Variants in STRADA observed in about 807,000 individuals in gnomAD.
STRADA encodes the protein STE20-related kinase adapter protein alpha.
STRADA carries 26 observed loss-of-function variants against 55.0 expected under a neutral mutation model. The observed-to-expected ratio is 0.47, with a 90% CI of 0.35 to 0.66. The LOEUF (loss-of-function observed/expected upper bound fraction) is 0.66, where lower values mean the gene tolerates loss of function less well. STRADA is among the 30% of genes least tolerant of loss of function. The pLI, the probability that STRADA is intolerant of heterozygous loss-of-function variation, is 0.01. For missense variants in STRADA, 443 were observed against 549.7 expected (o/e 0.81, Z 1.94); for synonymous variants, 197 against 210.9 (o/e 0.93, Z 0.57).
At chr17:63,735,383 G>A (rs187392574) in intron 1 of STRADA, among the ~76,000 whole-genome samples, 60 of 152,232 alleles carry the variant, frequency 3.9e-4, no homozygotes, top group Middle Eastern at 6.8e-3. Flanking sequence ...GCATACTTTG[G>A]CTTGCCGAAT....
chr17:63,718,662 T>A (rs919893612), intron 4 of STRADA: 17 of 152,314 alleles, frequency 1.1e-4, no homozygotes, highest in African/African-American at 4.1e-4. Flanking sequence ...CACGCTCGCC[T>A]GACTTGAACA....
intron 4 of STRADA, among the ~76,000 whole-genome samples, chr17:63,719,747 G>A (rs528137778): frequency 6.6e-6 from 1 of 152,154 alleles, no homozygotes; most frequent in East Asian, 1.9e-4. Flanking sequence ...GCCTCCCAAA[G>A]TGCTGGGGTT....
At chr17:63,714,364 T>C (rs1056598311) in intron 4 of STRADA, 3 of 400,434 alleles carry the variant, frequency 7.5e-6, no homozygotes, top group Admixed American at 3.5e-5. Context: ...TTAATCTGCT[T>C]GTCCTTTCCA....
intron 10 of STRADA, chr17:63,705,635 A>G (rs906619066): frequency 6.6e-6 from 1 of 152,546 alleles, no homozygotes; most frequent in Non-Finnish European, 1.5e-5. Flanking sequence ...CCAGTGCTCT[A>G]AAGTGGCATC....
Position 63,712,373 on chromosome 17 carries a change from C to T in STRADA, c.348+1033G>A, listed in dbSNP as rs147957052. ...CAGGCATGAGCTACCATGCCTGCCC[C>T]CTCTCTCAGTTTAACGAGAGAGTGG... is the stretch of plus-strand genomic sequence containing the variant. On this transcript the variant is annotated intron_variant, in intron 6 of 12. Coordinates refer to ENST00000336174, the MANE Select transcript of STRADA (RefSeq NM_001003787.4). The T allele has an allele frequency of 8.9e-3, 1,363 of 152,294 alleles. 6 individuals are homozygous for T. Among genetic ancestry groups the T allele is most frequent in the South Asian group, 0.024 (115 of 4,822 alleles). 9.4% of individuals were successfully genotyped at this position (152,294 alleles called of 1,614,324 possible). A position where few individuals can be genotyped will look rare whatever the true frequency, so the allele number is the denominator to read the frequency against.
chr17:63,735,171 G>C (rs574707079), intron 1 of STRADA, among the ~76,000 whole-genome samples: 2 of 152,182 alleles, frequency 1.3e-5, no homozygotes, highest in South Asian at 4.1e-4. Context: ...AAAAGAGTGA[G>C]CTAATTTCAC....
chr17:63,723,326 T>C lies in STRADA; in HGVS notation c.95A>G (p.Glu32Gly), dbSNP rs1349915956. The change falls in exon 4 of 13, where the codon GAG becomes GGG. Residue 32 changes from glutamate to glycine, a missense_variant and splice_region_variant. Transcript: ENST00000336174. ...EGLRDLELFG[E>G]QPPGDTRRKT... ...TCTCCGAGTGTCACCCGGAGGCTGC[T>C]CTGGGGTAGAGAAATTGATTGTTGG... The C allele has an allele frequency of 1.2e-6, 2 of 1,614,192 alleles. No homozygotes were observed. Among genetic ancestry groups the C allele is most frequent in the South Asian group, 2.2e-5 (2 of 91,086 alleles).
At chr17:63,731,818 T>C (rs908035872) in intron 1 of STRADA, among the ~76,000 whole-genome samples, 8 of 152,144 alleles carry the variant, frequency 5.3e-5, no homozygotes, top group African/African-American at 1.9e-4. Flanking sequence ...AAAGTTTCTA[T>C]GGTCTGGAAA....
At chr17:63,733,054 G>GT (rs1441821859) in intron 1 of STRADA, among the ~76,000 whole-genome samples, 2 of 152,062 alleles carry the variant, frequency 1.3e-5, no homozygotes, top group Non-Finnish European at 2.9e-5. Context: ...CACCCAGCTA[G>GT]TTTTTTTGTA....
At chr17:63,738,719 G>A (rs1303828843) in intron 1 of STRADA, among the ~76,000 whole-genome samples, 1 of 152,044 alleles carries the variant, frequency 6.6e-6, no homozygotes, top group Non-Finnish European at 1.5e-5. Context: ...TTAGCAGGGT[G>A]TGATGGCATG....
At chr17:63,727,962 A>C (rs892800580) in intron 2 of STRADA, 2 of 169,348 alleles carry the variant, frequency 1.2e-5, no homozygotes, top group Non-Finnish European at 2.5e-5. Context: ...TACTTAGAAA[A>C]AAGTGTCCTA....
At position 63,733,271 on chromosome 17, in the gene STRADA, T is replaced by A. The variant is rs541672523; in HGVS notation, c.-44-4858A>T. 1.4e-4 allele frequency among the ~76,000 whole-genome samples: 21 copies of A among 152,338 alleles called. No homozygotes were observed. The East Asian group carries it at 3.9e-3, about 28-fold the overall frequency. ...TGAATCTTTATCAGACTCCTCAATG[T>A]TCACTACTAAATGTTTAAGACATAT... On this transcript the variant is annotated intron_variant, in intron 1 of 12. Coordinates refer to ENST00000336174, the MANE Select transcript of STRADA (RefSeq NM_001003787.4).
At chr17:63,725,195 G>A (rs2037562100) in intron 3 of STRADA, among the ~76,000 whole-genome samples, 1 of 152,014 alleles carries the variant, frequency 6.6e-6, no homozygotes, top group African/African-American at 2.4e-5. Context: ...TCGTGCCACT[G>A]CACTCCAGCT....
chr17:63,740,107 T>TATATATATATATACATAC (rs1309095081), intron 1 of STRADA, among the ~76,000 whole-genome samples: 1 of 49,648 alleles, frequency 2.0e-5, no homozygotes, highest in African/African-American at 9.5e-5. Flanking sequence ...TATATATATA[T>TATATATATATATACATAC]ACATACATAC....
intron 1 of STRADA, among the ~76,000 whole-genome samples, chr17:63,735,777 G>A (rs559476361): frequency 1.1e-4 from 16 of 152,244 alleles, no homozygotes; most frequent in Non-Finnish European, 1.8e-4. Context: ...TAGAGGAGAC[G>A]GCAGATATGC....
chr17:63,704,255 G>C, intron 11 of STRADA, 86 bp downstream of exon 11: 1 of 1,573,674 alleles, frequency 6.4e-7, no homozygotes, highest in Non-Finnish European at 8.6e-7. Flanking sequence ...CAGAACCTTT[G>C]GGAGGTAAGT....
intron 1 of STRADA, among the ~76,000 whole-genome samples, chr17:63,731,510 C>T (rs58546165): frequency 0.017 from 2,546 of 151,510 alleles, 64 homozygotes; most frequent in African/African-American, 0.058. Flanking sequence ...GTGATCCGTC[C>T]GCCTTGGCCT....
chr17:63,739,022 G>A (rs866391048), intron 1 of STRADA, among the ~76,000 whole-genome samples: 6 of 150,478 alleles, frequency 4.0e-5, no homozygotes, highest in Non-Finnish European at 7.4e-5. Flanking sequence ...GTATGGTGGC[G>A]GGCGCCTGTA....
chr17:63,723,370 A>G (rs2037438907), intron 3 of STRADA, 44 bp from the exon 4 acceptor site: 1 of 1,610,654 alleles, frequency 6.2e-7, no homozygotes, highest in Non-Finnish European at 8.5e-7. Flanking sequence ...GTTTTAGCAG[A>G]AGACACACCC....
Sources: allele counts gnomAD v4.1 joint callset (sites outside exome capture counted in the v4.1 genomes callset), GRCh38; gene constraint gnomAD v4.1.1; transcripts MANE v1.5; gene names NCBI Gene and HGNC (gene_info 2026-07-23, HGNC 2026-07-21).